The following TRIM39 variants were observed in gnomAD, a reference collection of about 807,000 sequenced individuals.
TRIM39 encodes tripartite motif containing 39.
In TRIM39, 5 loss-of-function variants were observed where a neutral mutation model predicts 53.6. The observed-to-expected ratio is 0.09, with a 90% confidence interval of 0.05 to 0.20. The LOEUF (loss-of-function observed/expected upper bound fraction) is 0.20, where lower values mean the gene tolerates loss of function less well. TRIM39 is among the 10% of genes least tolerant of loss of function. The probability of loss-of-function intolerance (pLI) is 1.00; values close to 1 mark genes in which losing one functional copy is unlikely to be tolerated. For missense variants in TRIM39, 310 were observed against 621.0 expected, an observed-to-expected ratio of 0.50 and a Z score of 5.32; for synonymous variants, 196 against 237.6, an observed-to-expected ratio of 0.82 and a Z score of 1.61.
At position 30,341,707 on chromosome 6, in the gene TRIM39, G is replaced by A. The variant is rs1212621284; in HGVS notation, c.920-5G>A. The A allele has an allele frequency of 8.1e-6, 13 of 1,607,196 alleles. No homozygotes were observed. Among genetic ancestry groups the A allele is most frequent in the South Asian group, 3.3e-5 (3 of 90,352 alleles). The stretch of plus-strand genomic sequence containing the variant: ...CTAGCTCCCCACTCTGGCTTCTCCC[G>A]CCAGCGGATGTGACCCTGGACCCTG... On this transcript the variant is annotated splice_polypyrimidine_tract_variant and splice_region_variant and intron_variant, in intron 7 of 7. Transcript: ENST00000396551.
intron 5 of TRIM39, among the ~76,000 whole-genome samples, chr6:30,337,461 C>T (rs114463164): frequency 1.3e-5 from 2 of 152,264 alleles, no homozygotes; most frequent in Non-Finnish European, 2.9e-5. Context: ...GTAATCCCAG[C>T]ACTCTGAGAG....
At chr6:30,340,739 T>G in intron 7 of TRIM39, 119 bp downstream of exon 7, 1 of 1,040,274 alleles carries the variant, frequency 9.6e-7, no homozygotes, top group Non-Finnish European at 1.4e-6. Context: ...CACACACACC[T>G]ACCCCTTTAT....
intron 4 of TRIM39, among the ~76,000 whole-genome samples, chr6:30,333,728 G>A (rs73427529): frequency 0.03 from 4,513 of 152,152 alleles, 146 homozygotes; most frequent in African/African-American, 0.084. Flanking sequence ...TCACTATGCC[G>A]GATTGTCTCA....
At chr6:30,333,962 T>TA (rs751897568) in intron 4 of TRIM39, among the ~76,000 whole-genome samples, 1 of 152,176 alleles carries the variant, frequency 6.6e-6, no homozygotes, top group Non-Finnish European at 1.5e-5. Flanking sequence ...CTTACACCCA[T>TA]ACCTAAACAA....
Position 30,332,019 on chromosome 6 carries a change from A to G in TRIM39, c.549+1143A>G, listed in dbSNP as rs547409091. On this transcript the variant is annotated intron_variant, in intron 4 of 7. Transcript: ENST00000396551. ...GAGACATAGAAAAGCTACGAGAAAG[A>G]GACAGAAGGAAATCCTGAGGCCATC... Among the ~76,000 whole-genome samples, 12 of 152,320 alleles carry G rather than the reference A, an allele frequency of 7.9e-5. 1 individual carries two copies. The South Asian group carries it at 2.3e-3, about 29-fold the overall frequency.
At chr6:30,334,416 T>G (rs1786608677) in intron 4 of TRIM39, among the ~76,000 whole-genome samples, 1 of 152,220 alleles carries the variant, frequency 6.6e-6, no homozygotes, top group Admixed American at 6.5e-5. Context: ...TTATCAAATT[T>G]CAGGAATGTT....
chr6:30,332,968 A>G (rs901302289), intron 4 of TRIM39, among the ~76,000 whole-genome samples: 2 of 152,240 alleles, frequency 1.3e-5, no homozygotes, highest in African/African-American at 2.4e-5. Flanking sequence ...AGAGTCTATC[A>G]TGTCCAAATA....
intron 3 of TRIM39, 73 bp from the exon 4 acceptor site, chr6:30,330,708 G>A: frequency 6.6e-7 from 1 of 1,507,400 alleles, no homozygotes. Context: ...AAAACAAATG[G>A]TTTAATCTCT....
intron 3 of TRIM39, 130 bp downstream of exon 3, chr6:30,329,900 C>A: frequency 1.5e-6 from 2 of 1,315,284 alleles, no homozygotes; most frequent in Non-Finnish European, 2.0e-6. Context: ...TATGCAGGGG[C>A]ACACAGTATG....
At position 30,342,304 on chromosome 6, in the gene TRIM39, CTA is replaced by C. The variant is rs1491309836; in HGVS notation, c.*46_*47del. 5 of 1,584,706 alleles carry C rather than the reference CTA, an allele frequency of 3.2e-6. No homozygotes were observed. The South Asian group carries it at 5.7e-5, about 18-fold the overall frequency. On this transcript the variant is annotated 3_prime_UTR_variant, in exon 8 of 8. Coordinates refer to ENST00000396551, the Ensembl canonical transcript of TRIM39. The surrounding 1 kb of genome is among the most constrained non-coding windows in gnomAD (Gnocchi z 4.7). ...GACTGGGGTGAGGCAGGGTCAAGTG[CTA>C]CGGGCCTCCTTCCCGTGTCCTGCTG...
At position 30,339,571 on chromosome 6, in the gene TRIM39, T is replaced by C. The variant is rs1398008745; in HGVS notation, c.781-337T>C. ...ACTTATCCTCAAGGAGAGTGAGATATGTGGTTGGTACTTGGGGGACAGAGT... is the reference window on the plus strand; with the variant it reads ...ACTTATCCTCAAGGAGAGTGAGATACGTGGTTGGTACTTGGGGGACAGAGT... On this transcript the variant is annotated intron_variant, in intron 5 of 7. Transcript: ENST00000396551. The surrounding 1 kb of genome is among the most constrained non-coding windows in gnomAD (Gnocchi z 4.2). Among the ~76,000 whole-genome samples, 1 of 152,202 alleles carries C rather than the reference T, an allele frequency of 6.6e-6. No homozygotes were observed. Among genetic ancestry groups the C allele is most frequent in the African/African-American group, 2.4e-5 (1 of 41,442 alleles).
intron 3 of TRIM39, 121 bp from the exon 4 acceptor site, chr6:30,330,660 A>T: frequency 9.7e-7 from 1 of 1,034,376 alleles, no homozygotes; most frequent in Non-Finnish European, 1.4e-6. Flanking sequence ...AGTCAGATCA[A>T]GAGGCAGTAA....
Position 30,342,471 on chromosome 6 carries a change from G to C in TRIM39, c.*212G>C. The C allele has an allele frequency of 1.6e-6, 1 of 606,742 alleles. No individual in the cohort carries two copies. Among genetic ancestry groups the C allele is most frequent in the Non-Finnish European group, 2.9e-6 (1 of 345,616 alleles). 37.6% of individuals were successfully genotyped at this position (606,742 alleles called of 1,614,324 possible). A position where few individuals can be genotyped will look rare whatever the true frequency, so the allele number is the denominator to read the frequency against. ...AGCTGTGACTTCCTCCTAACTGTCA[G>C]GGTGGGGAGCTGGTTCCCAGAGGAT... On this transcript the variant is annotated 3_prime_UTR_variant, in exon 8 of 8. Coordinates refer to ENST00000396551, the Ensembl canonical transcript of TRIM39. The surrounding 1 kb of genome is among the most constrained non-coding windows in gnomAD (Gnocchi z 4.7).
chr6:30,333,661 G>A (rs1485525937), intron 4 of TRIM39, among the ~76,000 whole-genome samples: 5 of 152,014 alleles, frequency 3.3e-5, no homozygotes, highest in African/African-American at 7.2e-5. Context: ...GTGCCTGGCC[G>A]CCCAGGCCTG....
chr6:30,339,958 G>A lies in TRIM39; in HGVS notation c.803+28G>A. 4.3e-6 allele frequency: 7 copies of A among 1,614,130 alleles called. No homozygotes were observed. The highest frequency in any genetic ancestry group is 5.9e-6 in the Non-Finnish European group (7 of 1,180,016). ...AAGTGATTGTTGTATCTCTCTGAGT[G>A]AGTTAGGTCTTGGCTTAGAGAGGAG... On this transcript the variant is annotated intron_variant, in intron 6 of 7. Transcript: ENST00000396551. This position sits in a 1 kb window ranked among gnomAD's most constrained non-coding sequence, Gnocchi z 4.2.
exon 7 of TRIM39, chr6:30,340,525 T>C (rs1787388366): frequency 3.7e-6 from 6 of 1,613,078 alleles, no homozygotes; most frequent in Non-Finnish European, 5.1e-6. Flanking sequence ...GTGAAGACCA[T>C]GGAGGTGACT....
At chr6:30,340,192 G>A in intron 6 of TRIM39, 2 of 1,285,686 alleles carry the variant, frequency 1.6e-6, no homozygotes, top group Non-Finnish European at 2.3e-6. Flanking sequence ...GCCAGTGGGT[G>A]GAATTGTGTC....
Position 30,332,436 on chromosome 6 carries a change from G to A in TRIM39, c.549+1560G>A, listed in dbSNP as rs138734134. ...AAGAGTTGACATGTAGAGATCACCA[G>A]AAGCTAAATCCAAGTTTTGATTCAT... On this transcript the variant is annotated intron_variant, in intron 4 of 7. Coordinates refer to ENST00000396551, the Ensembl canonical transcript of TRIM39. Among the ~76,000 whole-genome samples, 873 of 152,338 alleles carry A rather than the reference G, an allele frequency of 5.7e-3. 2 individuals are homozygous for A. Among genetic ancestry groups the A allele is most frequent in the Middle Eastern group, 0.031 (9 of 294 alleles).
In TRIM39 at chr6:30,333,389, G is replaced by A. The variant is rs181789922; in HGVS notation, c.550-2356G>A. On this transcript the variant is annotated intron_variant, in intron 4 of 7. Coordinates refer to ENST00000396551, the Ensembl canonical transcript of TRIM39. ...TTTTTTTTTTTTGAGACGGCGTCTC[G>A]CTCTGTCATCCAGGCTGGAGTGCAG... is the stretch of plus-strand genomic sequence containing the variant. 1.4e-4 allele frequency among the ~76,000 whole-genome samples: 17 copies of A among 120,458 alleles called. No individual in the cohort carries two copies. In the East Asian group the frequency reaches 3.3e-3, roughly 24 times the overall value. The allele number at this position is 120,458 out of a possible 152,430, so 79.0% of individuals were successfully genotyped here. A position where few individuals can be genotyped will look rare whatever the true frequency, so the allele number is the denominator to read the frequency against.
Sources: gnomAD v4.1 joint callset for allele counts (sites outside exome capture counted in the v4.1 genomes callset) on GRCh38, gnomAD v4.1.1 for gene constraint, Gnocchi (gnomAD v3.1) non-coding constraint, MANE v1.5 for transcripts, NCBI Gene and HGNC (gene_info 2026-07-23, HGNC 2026-07-21) for gene names.